ARHGAP29: variants seen among roughly 807,000 people sequenced by gnomAD.
The protein encoded by ARHGAP29 is rho GTPase-activating protein 29.
ARHGAP29 carries 43 observed loss-of-function variants against 122.6 expected under a neutral mutation model. That is an observed-to-expected ratio of 0.35 (90% confidence interval 0.27 to 0.45). The LOEUF (loss-of-function observed/expected upper bound fraction) is 0.45. Among genes scored for constraint, ARHGAP29 ranks in the 20% least tolerant of loss-of-function variants. The pLI is 1.00. For synonymous variants in ARHGAP29, 506 were observed against 497.1 expected (o/e 1.02, Z -0.24); for missense variants, 1,303 against 1,477.2 (o/e 0.88, Z 1.93).
At chr1:94,296,787 A>C in the ARHGAP29 span, among the ~76,000 whole-genome samples, 2 of 152,228 alleles carry the variant, frequency 1.3e-5, no homozygotes, top group African/African-American at 4.8e-5. Context: ...TAGAGACACA[A>C]GCTAGAGCAG....
chr1:94,285,126 A>T, the ARHGAP29 span, among the ~76,000 whole-genome samples: 1 of 152,182 alleles, frequency 6.6e-6, no homozygotes, highest in East Asian at 1.9e-4. Flanking sequence ...CATAAAAATG[A>T]TTGTCTTCCA....
chr1:94,231,066 T>C (rs1011539463), intron 2 of ARHGAP29, among the ~76,000 whole-genome samples: 5 of 152,042 alleles, frequency 3.3e-5, no homozygotes, highest in Admixed American at 3.3e-4. Context: ...TTAGTCAGCT[T>C]ATTTAAGACC....
intron 1 of ARHGAP29, 41 bp downstream of exon 1, chr1:94,237,374 G>C: frequency 3.1e-6 from 3 of 983,598 alleles, no homozygotes; most frequent in Non-Finnish European, 3.6e-6. Flanking sequence ...CCGGAGCCAC[G>C]ACCGCCGCGG....
upstream of ARHGAP29, among the ~76,000 whole-genome samples, chr1:94,276,218 T>C (rs1655181863): frequency 6.6e-6 from 1 of 150,940 alleles, no homozygotes; most frequent in Admixed American, 6.6e-5. Flanking sequence ...AGATCACACC[T>C]CTCCACTCCA....
chr1:94,253,524 G>T (rs1326592478), intron 1 of ARHGAP29, among the ~76,000 whole-genome samples: 1 of 152,144 alleles, frequency 6.6e-6, no homozygotes, highest in Admixed American at 6.6e-5. Flanking sequence ...TTGGAGGTCT[G>T]ACTTATTGTA....
intron 1 of ARHGAP29, among the ~76,000 whole-genome samples, chr1:94,256,345 A>C (rs1654345600): frequency 6.6e-6 from 1 of 152,124 alleles, no homozygotes; most frequent in African/African-American, 2.4e-5. Flanking sequence ...CAAATATTAC[A>C]TGAATAAACA....
At chr1:94,201,077 A>G (rs979713858) in intron 12 of ARHGAP29, among the ~76,000 whole-genome samples, 3 of 152,236 alleles carry the variant, frequency 2.0e-5, no homozygotes, top group Non-Finnish European at 4.4e-5. Flanking sequence ...ACTTCAGGAC[A>G]GAATGCTTTG....
chr1:94,232,262 A>AAAT (rs1198260099), intron 1 of ARHGAP29, among the ~76,000 whole-genome samples: 28 of 30,980 alleles, frequency 9.0e-4, no homozygotes, highest in African/African-American at 2.2e-3. Flanking sequence ...CTATCTCATG[A>AAAT]GATTGTAGGG....
chr1:94,310,278 G>T, the ARHGAP29 span, among the ~76,000 whole-genome samples: 1 of 152,174 alleles, frequency 6.6e-6, no homozygotes, highest in African/African-American at 2.4e-5. Flanking sequence ...GGGAAACAGT[G>T]AAGAGGAAGG....
chr1:94,281,129 C>CA, the ARHGAP29 span, among the ~76,000 whole-genome samples: 7 of 152,078 alleles, frequency 4.6e-5, no homozygotes, highest in African/African-American at 1.7e-4. Flanking sequence ...CTTTGAGACA[C>CA]AAAAAACAGT....
In ARHGAP29 at chr1:94,174,073, T is replaced by A; in HGVS notation, c.3582A>T (p.Thr1194=). 6.2e-7 allele frequency: 1 copy of A among 1,614,210 alleles called. No homozygotes were observed. Among genetic ancestry groups the A allele is most frequent in the Non-Finnish European group, 8.5e-7 (1 of 1,180,030 alleles). Residue 1194 remains threonine, a synonymous_variant, in exon 23 of 23, where the codon ACA becomes ACT. Transcript: ENST00000260526. ...ASPSAAVPPG[T]DHDPHGLVVK... ...CCACGAGACCGTGGGGATCGTGATC[T>A]GTGCCAGGAGGCACTGCTGCTGAGG...
intron 19 of ARHGAP29, among the ~76,000 whole-genome samples, chr1:94,182,482 C>T (rs1009514321): frequency 6.6e-6 from 1 of 151,974 alleles, no homozygotes; most frequent in Non-Finnish European, 1.5e-5. Context: ...GGATAAAATA[C>T]ACCCACATCA....
chr1:94,259,921 A>T (rs1488984110), intron 1 of ARHGAP29, among the ~76,000 whole-genome samples: 1 of 152,176 alleles, frequency 6.6e-6, no homozygotes, highest in Non-Finnish European at 1.5e-5. Flanking sequence ...GCATTTTCTG[A>T]CTCACTGTTG....
the ARHGAP29 span, among the ~76,000 whole-genome samples, chr1:94,291,515 A>G: frequency 6.6e-6 from 1 of 151,940 alleles, no homozygotes; most frequent in African/African-American, 2.4e-5. Context: ...TGGTTATTTC[A>G]CCTGTTAATT....
chr1:94,192,447 G>A (rs572917046), intron 12 of ARHGAP29: 1 of 152,204 alleles, frequency 6.6e-6, no homozygotes, highest in Non-Finnish European at 1.5e-5. Context: ...GGGGAGGGGT[G>A]ATGGGAGATG....
chr1:94,269,351 G>A (rs900417405), intron 1 of ARHGAP29, among the ~76,000 whole-genome samples: 3 of 152,166 alleles, frequency 2.0e-5, no homozygotes, highest in Admixed American at 6.5e-5. Context: ...TTTAAACCGC[G>A]ATTATAATGC....
rs896359461 is a variant in ARHGAP29 at position 94,227,246 on chromosome 1, T to C, written c.205+4161A>G. Among the ~76,000 whole-genome samples the C allele has an allele frequency of 3.3e-5, 5 of 151,902 alleles. No individual in the cohort carries two copies. The South Asian group carries it at 1.0e-3, about 31-fold the overall frequency. ...CCTGTAAAAACAATTCATCAGAAGC[T>C]ATCACTTATGAGGTCAGCATTATTT... On this transcript the variant is annotated intron_variant, in intron 2 of 22. Coordinates refer to ENST00000260526, the MANE Select transcript of ARHGAP29 (RefSeq NM_004815.4).
chr1:94,202,960 C>A lies in ARHGAP29; in HGVS notation c.912G>T (p.Arg304Ser), dbSNP rs1008764547. Residue 304 changes from arginine (R) to serine (S), a missense_variant, in exon 10 of 23, where the codon AGG (arginine) becomes AGT (serine). By Grantham distance (110) the Arg-to-Ser change is moderately radical. Coordinates refer to ENST00000260526, the MANE Select transcript of ARHGAP29 (RefSeq NM_004815.4). ...GTTTCCAAAGCTCTTTTATTTCTTT[C>A]CTTTGTTTTTCCATTTCATTTTTCC... ...LGRKNEMEKQRKEIKELWKQE... is the reference protein window; with the variant it reads ...LGRKNEMEKQSKEIKELWKQE... The A allele has an allele frequency of 3.1e-6, 5 of 1,609,260 alleles. No individual in the cohort carries two copies. The Admixed American group carries it at 8.5e-5, about 27-fold the overall frequency.
intron 3 of ARHGAP29, among the ~76,000 whole-genome samples, chr1:94,213,753 C>G (rs1251489749): frequency 6.6e-6 from 1 of 152,184 alleles, no homozygotes; most frequent in Admixed American, 6.5e-5. Flanking sequence ...CTCTGTAACT[C>G]AGTTTCCTCA....
Sources: gnomAD v4.1 joint callset for allele counts (sites outside exome capture counted in the v4.1 genomes callset) on GRCh38, gnomAD v4.1.1 for gene constraint, MANE v1.5 for transcripts, NCBI Gene and HGNC (gene_info 2026-07-23, HGNC 2026-07-21) for gene names.